The following AIM2 variants were observed in gnomAD, a reference collection of about 807,000 sequenced individuals.
AIM2 encodes interferon-inducible protein AIM2.
A neutral mutation model predicts 27.7 loss-of-function variants in AIM2; 30 were observed. That is an observed-to-expected ratio of 1.08 (90% CI 0.81 to 1.47). AIM2 has a LOEUF of 1.47. Among genes scored for constraint, AIM2 ranks in the 40% most tolerant of loss-of-function variants. The pLI is 0.00. For missense variants in AIM2, 358 were observed against 411.3 expected (o/e 0.87, Z 1.12); for synonymous variants, 141 against 145.3 (o/e 0.97, Z 0.21).
At chr1:159,068,437 T>C in intron 3 of AIM2, 131 bp downstream of exon 3, 2 of 1,241,904 alleles carry the variant, frequency 1.6e-6, no homozygotes, top group Non-Finnish European at 1.1e-6. Flanking sequence ...TGACTCAGAA[T>C]GCTTTTCATG....
chr1:159,104,562 C>T (rs909056816), intron 1 of AIM2, among the ~76,000 whole-genome samples: 15 of 152,178 alleles, frequency 9.9e-5, no homozygotes, highest in African/African-American at 3.4e-4. Context: ...TTAAAATACA[C>T]ATCAGACTTC....
upstream of AIM2, among the ~76,000 whole-genome samples, chr1:159,142,127 T>C (rs970075851): frequency 6.6e-6 from 1 of 152,148 alleles, no homozygotes; most frequent in Non-Finnish European, 1.5e-5. Flanking sequence ...TGGGCAACGC[T>C]TGGGGATTCA....
At chr1:159,104,306 C>T (rs1225818683) in intron 1 of AIM2, among the ~76,000 whole-genome samples, 1 of 152,154 alleles carries the variant, frequency 6.6e-6, no homozygotes. Flanking sequence ...ACCCACACTG[C>T]CCACAGCAGC....
At chr1:159,075,581 A>G (rs1656569905) in intron 1 of AIM2, among the ~76,000 whole-genome samples, 1 of 151,302 alleles carries the variant, frequency 6.6e-6, no homozygotes, top group South Asian at 2.1e-4. Flanking sequence ...ACACATATAT[A>G]TATGGCTATA....
intron 1 of AIM2, among the ~76,000 whole-genome samples, chr1:159,135,823 C>T (rs1442132410): frequency 6.6e-6 from 1 of 152,134 alleles, no homozygotes; most frequent in Non-Finnish European, 1.5e-5. Context: ...AGGAATTCAC[C>T]CAGAAAAAGA....
chr1:159,093,001 C>T (rs931630872), intron 1 of AIM2, among the ~76,000 whole-genome samples: 1 of 150,926 alleles, frequency 6.6e-6, no homozygotes, highest in Non-Finnish European at 1.5e-5. Context: ...ACTCCAGCCT[C>T]GGTGACAGAG....
At chr1:159,071,817 A>T (rs1238606418) in intron 2 of AIM2, among the ~76,000 whole-genome samples, 2 of 152,170 alleles carry the variant, frequency 1.3e-5, no homozygotes, top group African/African-American at 4.8e-5. Flanking sequence ...GCCCAAAAGC[A>T]TACTTTGAAT....
chr1:159,101,280 C>G (rs950620681), intron 1 of AIM2, among the ~76,000 whole-genome samples: 1 of 152,152 alleles, frequency 6.6e-6, no homozygotes, highest in Non-Finnish European at 1.5e-5. Context: ...ATTTCCCCTT[C>G]TGGCACTCAT....
At chr1:159,121,228 G>T (rs568347029) in intron 1 of AIM2, among the ~76,000 whole-genome samples, 1 of 152,192 alleles carries the variant, frequency 6.6e-6, no homozygotes, top group East Asian at 1.9e-4. Flanking sequence ...AAGCATTGAG[G>T]GAGCCCTCAA....
the AIM2 span, among the ~76,000 whole-genome samples, chr1:159,057,022 G>C: frequency 6.6e-6 from 1 of 152,164 alleles, no homozygotes; most frequent in African/African-American, 2.4e-5. Context: ...TCTAAAAAGA[G>C]GGGAGCAGGC....
intron 1 of AIM2, among the ~76,000 whole-genome samples, chr1:159,129,469 A>G (rs904111953): frequency 2.6e-5 from 4 of 152,202 alleles, no homozygotes; most frequent in African/African-American, 9.6e-5. Flanking sequence ...TGTGAACCCA[A>G]CAATAGGACA....
At chr1:159,071,683 T>C (rs995238551) in intron 2 of AIM2, among the ~76,000 whole-genome samples, 2 of 152,216 alleles carry the variant, frequency 1.3e-5, no homozygotes, top group Non-Finnish European at 1.5e-5. Flanking sequence ...CTAATTTTTG[T>C]ATTTTTAGTA....
At chr1:159,082,654 C>A (rs1422122829) in intron 1 of AIM2, among the ~76,000 whole-genome samples, 1 of 152,122 alleles carries the variant, frequency 6.6e-6, no homozygotes, top group Non-Finnish European at 1.5e-5. Flanking sequence ...TGGGCACTAT[C>A]CCACGTAGTA....
chr1:159,116,662 A>G (rs1268808550), intron 1 of AIM2, among the ~76,000 whole-genome samples: 1 of 152,094 alleles, frequency 6.6e-6, no homozygotes, highest in Non-Finnish European at 1.5e-5. Context: ...GAAGGGGAAC[A>G]TCACACAACA....
intron 1 of AIM2, among the ~76,000 whole-genome samples, chr1:159,117,261 A>C (rs1647382875): frequency 6.6e-6 from 1 of 152,208 alleles, no homozygotes. Flanking sequence ...GAAGGCCAAG[A>C]ATCGACAAAA....
At chr1:159,095,117 G>A (rs376992208) in intron 1 of AIM2, among the ~76,000 whole-genome samples, 10 of 152,146 alleles carry the variant, frequency 6.6e-5, no homozygotes, top group African/African-American at 2.4e-4. Context: ...TAACTCTTCT[G>A]CAGAAATCCC....
intron 1 of AIM2, among the ~76,000 whole-genome samples, chr1:159,096,288 G>A (rs1657179159): frequency 6.6e-6 from 1 of 152,172 alleles, no homozygotes; most frequent in African/African-American, 2.4e-5. Flanking sequence ...TTGGCCTTGG[G>A]AGGGTTACTT....
At chr1:159,070,870 A>G (rs1656329254) in intron 2 of AIM2, among the ~76,000 whole-genome samples, 2 of 152,206 alleles carry the variant, frequency 1.3e-5, no homozygotes, top group African/African-American at 2.4e-5. Flanking sequence ...AGCATCGGAG[A>G]GAAAACAGCA....
chr1:159,134,891 G>C (rs1048319584), intron 1 of AIM2, among the ~76,000 whole-genome samples: 1 of 152,112 alleles, frequency 6.6e-6, no homozygotes, highest in Non-Finnish European at 1.5e-5. Flanking sequence ...CTCTACAAAA[G>C]CTTCATTTAT....
Sources: allele counts gnomAD v4.1 joint callset (sites outside exome capture counted in the v4.1 genomes callset), GRCh38; gene constraint gnomAD v4.1.1; transcripts MANE v1.5; gene names NCBI Gene and HGNC (gene_info 2026-07-23, HGNC 2026-07-21).